The following ERC2 variants were observed in gnomAD, a reference collection of about 807,000 sequenced individuals.
ERC2 encodes ERC protein 2.
ERC2 carries 42 observed loss-of-function variants against 114.8 expected under a neutral mutation model. That is an observed-to-expected ratio of 0.37 (90% CI 0.29 to 0.47). ERC2 has a LOEUF of 0.47. Ranked by LOEUF, ERC2 falls within the 20% of genes least tolerant of loss-of-function variation. ERC2 has a pLI of 0.99. For missense variants in ERC2, 939 were observed against 1,150.7 expected (o/e 0.82, Z 2.66); for synonymous variants, 454 against 425.5 (o/e 1.07, Z -0.82).
chr3:55,563,941 T>C (rs1575595279), intron 17 of ERC2, among the ~76,000 whole-genome samples: 2 of 152,218 alleles, frequency 1.3e-5, no homozygotes, highest in South Asian at 4.1e-4. Flanking sequence ...TTTTCACTGA[T>C]ACAGTTACCC....
chr3:56,446,625 CTTTCTTTT>C (rs2062583273), intron 1 of ERC2, among the ~76,000 whole-genome samples: 1 of 112,360 alleles, frequency 8.9e-6, no homozygotes, highest in Non-Finnish European at 1.8e-5. Flanking sequence ...TTTTTTTTTT[CTTTCTTTT>C]TTTTTTTTTT....
chr3:56,119,006 C>T (rs1005005235), intron 6 of ERC2, among the ~76,000 whole-genome samples: 5 of 152,144 alleles, frequency 3.3e-5, no homozygotes, highest in Non-Finnish European at 7.4e-5. Flanking sequence ...TATTTTTGAC[C>T]TTGCAGGATA....
intron 17 of ERC2, among the ~76,000 whole-genome samples, chr3:55,581,532 C>T (rs1363830733): frequency 6.6e-6 from 1 of 152,042 alleles, no homozygotes; most frequent in East Asian, 1.9e-4. Flanking sequence ...GGGAATTCAC[C>T]ATTTGTGGCC....
At chr3:55,956,891 C>A (rs895567254) in intron 12 of ERC2, among the ~76,000 whole-genome samples, 1 of 152,034 alleles carries the variant, frequency 6.6e-6, no homozygotes, top group Non-Finnish European at 1.5e-5. Context: ...GGTCCTTGCT[C>A]CCCTGAGGTG....
chr3:55,645,985 G>T (rs1049476193), intron 17 of ERC2, among the ~76,000 whole-genome samples: 5 of 152,158 alleles, frequency 3.3e-5, no homozygotes, highest in Non-Finnish European at 7.3e-5. Flanking sequence ...TCAGGCAAGT[G>T]TAGGTTAAAT....
At chr3:56,353,990 A>G (rs1560653839) in intron 2 of ERC2, among the ~76,000 whole-genome samples, 2 of 152,096 alleles carry the variant, frequency 1.3e-5, no homozygotes, top group East Asian at 3.9e-4. Flanking sequence ...AGAGGCTAAG[A>G]CACTCACCCA....
chr3:55,703,094 T>A (rs2063309676), intron 15 of ERC2, among the ~76,000 whole-genome samples: 1 of 152,202 alleles, frequency 6.6e-6, no homozygotes, highest in African/African-American at 2.4e-5. Flanking sequence ...GCCACCTTAT[T>A]TCTCTGGGGC....
At chr3:55,920,415 A>ACACACAC (rs2065347551) in intron 13 of ERC2, among the ~76,000 whole-genome samples, 1 of 146,720 alleles carries the variant, frequency 6.8e-6, no homozygotes, top group Non-Finnish European at 1.5e-5. Context: ...GGCACACTAA[A>ACACACAC]ACACACACAC....
At chr3:56,032,951 GAAAGAAAC>G (rs2074503492) in intron 7 of ERC2, among the ~76,000 whole-genome samples, 7 of 56,734 alleles carry the variant, frequency 1.2e-4, no homozygotes, top group African/African-American at 3.6e-4. Context: ...AAGAAAGAAA[GAAAGAAAC>G]AGAAAGAAAG....
At chr3:55,953,381 G>T (rs1259673116) in intron 12 of ERC2, among the ~76,000 whole-genome samples, 1 of 152,180 alleles carries the variant, frequency 6.6e-6, no homozygotes, top group African/African-American at 2.4e-5. Flanking sequence ...CAATTAGAGA[G>T]ATGCAGAGCA....
At chr3:56,044,869 T>C (rs1267899791) in intron 7 of ERC2, among the ~76,000 whole-genome samples, 5 of 151,928 alleles carry the variant, frequency 3.3e-5, no homozygotes, top group Middle Eastern at 3.2e-3. Flanking sequence ...GACTGAAAAA[T>C]AGAAACATTA....
chr3:56,184,189 A>G (rs569122147), intron 3 of ERC2, among the ~76,000 whole-genome samples: 117 of 152,252 alleles, frequency 7.7e-4, no homozygotes, highest in African/African-American at 2.7e-3. Flanking sequence ...TGGTCCTGGA[A>G]ACCACAGAAA....
intron 12 of ERC2, among the ~76,000 whole-genome samples, chr3:55,985,625 C>A (rs905046236): frequency 6.6e-6 from 1 of 152,178 alleles, no homozygotes; most frequent in African/African-American, 2.4e-5. Context: ...CAGCATCCTG[C>A]ATTATGTTTT....
intron 2 of ERC2, among the ~76,000 whole-genome samples, chr3:56,298,725 A>G (rs1053156122): frequency 6.6e-6 from 1 of 152,096 alleles, no homozygotes; most frequent in Admixed American, 6.5e-5. Context: ...GGGGGACTCT[A>G]AAGGGTATGG....
chr3:55,744,335 G>A (rs926945009), intron 14 of ERC2, among the ~76,000 whole-genome samples: 3 of 152,066 alleles, frequency 2.0e-5, no homozygotes, highest in Non-Finnish European at 1.5e-5. Flanking sequence ...ACCCAGCAGG[G>A]GGAGGTTGCA....
chr3:55,990,838 G>T (rs2071006379), intron 11 of ERC2, among the ~76,000 whole-genome samples: 1 of 152,190 alleles, frequency 6.6e-6, no homozygotes, highest in African/African-American at 2.4e-5. Flanking sequence ...CTTCTAACAA[G>T]ATTCAAGGCC....
At chr3:56,368,592 C>T (rs1188022865) in intron 2 of ERC2, among the ~76,000 whole-genome samples, 5 of 152,180 alleles carry the variant, frequency 3.3e-5, no homozygotes, top group Admixed American at 2.6e-4. Context: ...TCCACTCCCT[C>T]AAGGACACAT....
chr3:56,203,069 A>G (rs913654997), intron 3 of ERC2, among the ~76,000 whole-genome samples: 5 of 152,240 alleles, frequency 3.3e-5, no homozygotes, highest in African/African-American at 1.2e-4. Flanking sequence ...GCTCTTGGGT[A>G]AAAGATAAGT....
At chr3:56,258,978 T>TTC (rs1016244465) in intron 3 of ERC2, among the ~76,000 whole-genome samples, 2 of 145,344 alleles carry the variant, frequency 1.4e-5, no homozygotes, top group African/African-American at 5.5e-5. Context: ...ATTAATTAAT[T>TTC]TTTTTTTTTT....
Sources: allele counts gnomAD v4.1 joint callset (sites outside exome capture counted in the v4.1 genomes callset), GRCh38; gene constraint gnomAD v4.1.1; transcripts MANE v1.5; gene names NCBI Gene and HGNC (gene_info 2026-07-23, HGNC 2026-07-21).